Variants in RBFOX1 observed in about 807,000 individuals in gnomAD.
The protein encoded by RBFOX1 is RNA binding protein fox-1 homolog 1.
Under a neutral mutation model 57.7 loss-of-function variants are expected in RBFOX1, and 8 were observed. That is an observed-to-expected ratio of 0.14 (90% CI 0.08 to 0.25). The LOEUF is 0.25. Ranked by LOEUF, RBFOX1 falls within the 10% of genes least tolerant of loss-of-function variation. The pLI, the probability that RBFOX1 is intolerant of heterozygous loss-of-function variation, is 1.00. For synonymous variants in RBFOX1, 326 were observed against 222.4 expected (o/e 1.47, Z -4.15); for missense variants, 611 against 548.5 (o/e 1.11, Z -1.14).
At chr16:6,211,824 A>ATTTG (rs780263185) in intron 1 of RBFOX1, among the ~76,000 whole-genome samples, 89 of 86,880 alleles carry the variant, frequency 1.0e-3, no homozygotes, top group African/African-American at 1.6e-3. Context: ...TACATCTTTT[A>ATTTG]TTTATTTATT....
At chr16:6,684,744 G>A (rs780147858) in intron 3 of RBFOX1, among the ~76,000 whole-genome samples, 1 of 152,204 alleles carries the variant, frequency 6.6e-6, no homozygotes, top group Non-Finnish European at 1.5e-5. Flanking sequence ...TGTCGTGAAT[G>A]ACCGTTAACT....
intron 7 of RBFOX1, among the ~76,000 whole-genome samples, chr16:7,588,726 C>G (rs981185564): frequency 1.3e-5 from 2 of 152,118 alleles, no homozygotes; most frequent in Non-Finnish European, 1.5e-5. Context: ...ATTGCCAGCT[C>G]TTTTGGATGT....
At chr16:6,982,377 A>T (rs2089157802) in intron 3 of RBFOX1, among the ~76,000 whole-genome samples, 1 of 152,172 alleles carries the variant, frequency 6.6e-6, no homozygotes, top group Admixed American at 6.5e-5. Context: ...TATTAGTGAG[A>T]ACACTGAATA....
At chr16:6,001,287 A>G (rs2060595383) in intron 4 of RBFOX1, among the ~76,000 whole-genome samples, 1 of 152,054 alleles carries the variant, frequency 6.6e-6, no homozygotes, top group African/African-American at 2.4e-5. Flanking sequence ...TTTTCTCTAG[A>G]TTTTCACTTG....
At chr16:6,834,848 C>T (rs2092968745) in intron 3 of RBFOX1, among the ~76,000 whole-genome samples, 1 of 149,928 alleles carries the variant, frequency 6.7e-6, no homozygotes, top group African/African-American at 2.5e-5. Context: ...ATCTGGAAGT[C>T]AAGTTCATTT....
At chr16:6,001,882 C>T (rs1402683464) in intron 4 of RBFOX1, among the ~76,000 whole-genome samples, 1 of 152,076 alleles carries the variant, frequency 6.6e-6, no homozygotes, top group Non-Finnish European at 1.5e-5. Flanking sequence ...TCCTCATTCC[C>T]TCTTCTTCCC....
At chr16:5,604,829 C>G (rs541721827), downstream of RBFOX1, among the ~76,000 whole-genome samples, 3 of 152,166 alleles carry the variant, frequency 2.0e-5, no homozygotes, top group Non-Finnish European at 4.4e-5. Flanking sequence ...GTTTGACCCT[C>G]CAGACTTCCT....
rs564299129 is a variant in RBFOX1 at position 6,934,985 on chromosome 16, G to C, written c.-15-117072G>C. ...TGCCTGTGGTTCCAGCAAGTCGGGA[G>C]GCTGAGATAGGAGGACTGCTTGAGC... On this transcript the variant is annotated intron_variant, in intron 3 of 15. Transcript: ENST00000550418. Among the ~76,000 whole-genome samples the C allele has an allele frequency of 9.9e-5, 15 of 152,186 alleles. No individual in the cohort carries two copies. In the South Asian group the frequency reaches 1.0e-3, roughly 11 times the overall value.
At chr16:7,032,873 C>T (rs1241119135) in intron 3 of RBFOX1, among the ~76,000 whole-genome samples, 1 of 152,156 alleles carries the variant, frequency 6.6e-6, no homozygotes, top group East Asian at 1.9e-4. Flanking sequence ...CTTCCAGATT[C>T]TCAAATTTCT....
At chr16:5,404,584 A>G (rs1291464586) in intron 1 of RBFOX1, among the ~76,000 whole-genome samples, 1 of 152,210 alleles carries the variant, frequency 6.6e-6, no homozygotes, top group Non-Finnish European at 1.5e-5. Flanking sequence ...TTTCTCACCC[A>G]TTGGCTCCTT....
At chr16:7,704,758 A>G (rs1009762411) in intron 14 of RBFOX1, among the ~76,000 whole-genome samples, 31 of 152,214 alleles carry the variant, frequency 2.0e-4, no homozygotes, top group African/African-American at 7.5e-4. Flanking sequence ...CCTTAAAAAT[A>G]AGAGCAGTCA....
At chr16:6,806,210 A>G (rs2086727434) in intron 3 of RBFOX1, among the ~76,000 whole-genome samples, 1 of 152,196 alleles carries the variant, frequency 6.6e-6, no homozygotes, top group Non-Finnish European at 1.5e-5. Context: ...CAAATTAATT[A>G]ATTGGATGTT....
chr16:7,210,000 C>A (rs1016174796), intron 4 of RBFOX1, among the ~76,000 whole-genome samples: 1 of 152,152 alleles, frequency 6.6e-6, no homozygotes, highest in Non-Finnish European at 1.5e-5. Context: ...TGCCTTGCCT[C>A]TAAAAATGAT....
At chr16:5,406,723 T>G (rs1474030423) in intron 1 of RBFOX1, among the ~76,000 whole-genome samples, 2 of 152,178 alleles carry the variant, frequency 1.3e-5, no homozygotes, top group Non-Finnish European at 2.9e-5. Flanking sequence ...CAGCAAATAT[T>G]TATTTTGCAT....
chr16:6,350,052 C>G (rs2086033291), intron 2 of RBFOX1, among the ~76,000 whole-genome samples: 1 of 152,012 alleles, frequency 6.6e-6, no homozygotes, highest in African/African-American at 2.4e-5. Context: ...TCTCAAAGCC[C>G]TTAAAATTTC....
intron 4 of RBFOX1, among the ~76,000 whole-genome samples, chr16:7,168,837 T>C (rs544421084): frequency 6.6e-6 from 1 of 152,318 alleles, no homozygotes; most frequent in African/African-American, 2.4e-5. Context: ...CAGTCTTCAT[T>C]CTCCTGACAT....
At chr16:6,026,465 A>T (rs1010677140) in intron 1 of RBFOX1, among the ~76,000 whole-genome samples, 1 of 152,212 alleles carries the variant, frequency 6.6e-6, no homozygotes, top group Non-Finnish European at 1.5e-5. Flanking sequence ...TTTGAACCTG[A>T]CAGTCTGAGT....
At chr16:5,998,515 G>A (rs528081090) in intron 4 of RBFOX1, among the ~76,000 whole-genome samples, 1 of 152,324 alleles carries the variant, frequency 6.6e-6, no homozygotes, top group South Asian at 2.1e-4. Flanking sequence ...TTTTCAACAA[G>A]ATGATGTAGT....
chr16:7,232,769 A>G (rs2093573139), intron 4 of RBFOX1, among the ~76,000 whole-genome samples: 1 of 146,124 alleles, frequency 6.8e-6, no homozygotes, highest in African/African-American at 2.5e-5. Flanking sequence ...TGAACCTGGG[A>G]GGGGGAGGTT....
Sources: gnomAD v4.1 joint callset for allele counts (sites outside exome capture counted in the v4.1 genomes callset) on GRCh38, gnomAD v4.1.1 for gene constraint, MANE v1.5 for transcripts, NCBI Gene and HGNC (gene_info 2026-07-23, HGNC 2026-07-21) for gene names.